SDK1: variants seen among roughly 807,000 people sequenced by gnomAD.
SDK1 encodes protein sidekick-1.
A neutral mutation model predicts 245.5 loss-of-function variants in SDK1; 157 were observed. The observed-to-expected ratio is 0.64, with a 90% confidence interval of 0.56 to 0.73. The LOEUF is 0.73. Ranked by LOEUF, SDK1 falls within the 30% of genes least tolerant of loss-of-function variation. The probability of loss-of-function intolerance (pLI) is 0.00; values close to 1 mark genes in which losing one functional copy is unlikely to be tolerated. For missense variants in SDK1, 3,583 were observed against 3,002.3 expected, an observed-to-expected ratio of 1.19 and a Z score of -4.52; for synonymous variants, 1,647 against 1,278.5, an observed-to-expected ratio of 1.29 and a Z score of -6.15.
In SDK1 at chr7:3,963,304, G is replaced by A. The variant is rs557303617; in HGVS notation, c.1429+453G>A. 1.8e-4 allele frequency among the ~76,000 whole-genome samples: 12 copies of A among 66,332 alleles called. No individual in the cohort carries two copies. In the East Asian group the frequency reaches 3.9e-3, roughly 22 times the overall value. The allele number at this position is 66,332 out of a possible 152,430, so 43.5% of individuals were successfully genotyped here. On this transcript the variant is annotated intron_variant, in intron 9 of 44. Transcript: ENST00000404826. ...AGGCTCACAGCTACCTGACCTGGAC[G>A]TATCCAGTGAGTACATTCAGCCCCA...
intron 2 of SDK1, among the ~76,000 whole-genome samples, chr7:3,631,979 A>G (rs988895617): frequency 6.6e-6 from 1 of 152,160 alleles, no homozygotes; most frequent in South Asian, 2.1e-4. Context: ...TTTTTTGATT[A>G]TGTAGAAACT....
intron 1 of SDK1, among the ~76,000 whole-genome samples, chr7:3,565,800 G>A (rs1024696839): frequency 1.3e-5 from 2 of 152,058 alleles, no homozygotes; most frequent in African/African-American, 4.8e-5. Context: ...TATTGTTCAG[G>A]GAATAATGAC....
At chr7:3,608,502 A>C (rs1359202896) in intron 1 of SDK1, among the ~76,000 whole-genome samples, 1 of 152,218 alleles carries the variant, frequency 6.6e-6, no homozygotes, top group Non-Finnish European at 1.5e-5. Flanking sequence ...CTAAAGATAA[A>C]AATTGAGCTC....
rs114678658 is a variant in SDK1 at position 4,177,574 on chromosome 7, C to A, written c.4997-911C>A. Among the ~76,000 whole-genome samples the A allele has an allele frequency of 7.5e-3, 1,140 of 152,244 alleles. 21 individuals are homozygous for A. Among genetic ancestry groups the A allele is most frequent in the African/African-American group, 0.026 (1,066 of 41,558 alleles). Reference sequence around the variant, plus strand: ...GTCTTACTCTATCTGTTCATAATTTCAAGGAGAGATTCTGAACCAAAAGGC... The same window carrying A: ...GTCTTACTCTATCTGTTCATAATTTAAAGGAGAGATTCTGAACCAAAAGGC... On this transcript the variant is annotated intron_variant, in intron 34 of 44. Transcript: ENST00000404826.
At chr7:4,051,974 G>T in intron 19 of SDK1, 144 bp downstream of exon 19, 1 of 667,422 alleles carries the variant, frequency 1.5e-6, no homozygotes, top group Non-Finnish European at 2.5e-6. Flanking sequence ...CACCTAGGGA[G>T]ATCAGGCATC....
intron 1 of SDK1, among the ~76,000 whole-genome samples, chr7:3,373,080 A>G (rs1197012670): frequency 6.6e-6 from 1 of 152,190 alleles, no homozygotes; most frequent in Non-Finnish European, 1.5e-5. Flanking sequence ...TCCTATACGG[A>G]TGTAGTGTGT....
At chr7:3,923,200 C>T (rs1208610719) in intron 5 of SDK1, among the ~76,000 whole-genome samples, 1 of 152,118 alleles carries the variant, frequency 6.6e-6, no homozygotes, top group East Asian at 1.9e-4. Context: ...CAGTGTAATT[C>T]AGAAATTTCT....
intron 38 of SDK1, among the ~76,000 whole-genome samples, chr7:4,210,467 A>C (rs1403415158): frequency 1.3e-5 from 2 of 152,012 alleles, no homozygotes; most frequent in Non-Finnish European, 2.9e-5. Context: ...TGTCACACTC[A>C]AGACATTCCT....
intron 5 of SDK1, among the ~76,000 whole-genome samples, chr7:3,915,857 A>G (rs1399553166): frequency 3.9e-5 from 6 of 152,206 alleles, no homozygotes; most frequent in Admixed American, 3.9e-4. Flanking sequence ...CGTTTTGGAT[A>G]ACTTTTTACT....
intron 30 of SDK1, among the ~76,000 whole-genome samples, chr7:4,153,881 A>G (rs1197110885): frequency 6.0e-5 from 9 of 151,112 alleles, no homozygotes; most frequent in Non-Finnish European, 2.9e-5. Context: ...GGGTCTCACT[A>G]TGTTGCCCAA....
At chr7:3,925,009 C>T (rs1187752520) in intron 5 of SDK1, among the ~76,000 whole-genome samples, 1 of 152,194 alleles carries the variant, frequency 6.6e-6, no homozygotes, top group Non-Finnish European at 1.5e-5. Context: ...GGTCCAGACT[C>T]TTAATGTGAT....
chr7:3,527,391 A>G (rs1245489965), intron 1 of SDK1, among the ~76,000 whole-genome samples: 1 of 152,130 alleles, frequency 6.6e-6, no homozygotes, highest in Non-Finnish European at 1.5e-5. Flanking sequence ...GTGGTCATGG[A>G]AGGCCTTTTG....
At chr7:4,076,232 A>G (rs902815010) in intron 20 of SDK1, among the ~76,000 whole-genome samples, 2 of 152,214 alleles carry the variant, frequency 1.3e-5, no homozygotes, top group Non-Finnish European at 2.9e-5. Flanking sequence ...AGAGCAAGCC[A>G]TTGATTTAAG....
chr7:4,086,492 A>G (rs550755798), intron 22 of SDK1, among the ~76,000 whole-genome samples: 4 of 152,226 alleles, frequency 2.6e-5, no homozygotes, highest in South Asian at 4.2e-4. Flanking sequence ...TGAGGTCCCC[A>G]TACTGTGCTG....
intron 1 of SDK1, among the ~76,000 whole-genome samples, chr7:3,554,956 A>T (rs1171401614): frequency 6.6e-6 from 1 of 152,218 alleles, no homozygotes; most frequent in Non-Finnish European, 1.5e-5. Context: ...ATGGAAAGAT[A>T]TTACATGTTT....
intron 5 of SDK1, among the ~76,000 whole-genome samples, chr7:3,876,572 CATTG>C (rs1367775957): frequency 6.6e-6 from 1 of 152,156 alleles, no homozygotes; most frequent in Non-Finnish European, 1.5e-5. Context: ...TAAAAACAGG[CATTG>C]AGAACTCATA....
intron 1 of SDK1, among the ~76,000 whole-genome samples, chr7:3,307,471 C>T (rs997313103): frequency 1.3e-5 from 2 of 152,176 alleles, no homozygotes; most frequent in Non-Finnish European, 2.9e-5. Flanking sequence ...ACTCTTAGAG[C>T]TTCATTATGT....
chr7:4,034,243 A>C (rs187617436), intron 17 of SDK1, among the ~76,000 whole-genome samples: 18 of 152,368 alleles, frequency 1.2e-4, no homozygotes, highest in Non-Finnish European at 2.4e-4. Context: ...AGATTGAAGA[A>C]GACGAAAGAG....
chr7:4,113,630 A>G (rs921532395), intron 24 of SDK1, among the ~76,000 whole-genome samples, 191 bp downstream of exon 24: 1 of 152,242 alleles, frequency 6.6e-6, no homozygotes, highest in African/African-American at 2.4e-5. Flanking sequence ...GATCTGATTA[A>G]TTAGTAGCAT....
Sources: gnomAD v4.1 joint callset for allele counts (sites outside exome capture counted in the v4.1 genomes callset) on GRCh38, gnomAD v4.1.1 for gene constraint, MANE v1.5 for transcripts, NCBI Gene and HGNC (gene_info 2026-07-23, HGNC 2026-07-21) for gene names.